Variants in MAN2A1 observed in about 807,000 individuals in gnomAD.
MAN2A1 encodes the protein mannosidase alpha class 2A member 1.
A neutral mutation model predicts 142.6 loss-of-function variants in MAN2A1; 76 were observed. The observed-to-expected ratio is 0.53, with a 90% CI of 0.44 to 0.65. The LOEUF is 0.65. MAN2A1 is among the 30% of genes least tolerant of loss of function. The pLI is 0.00. For synonymous variants in MAN2A1, 559 were observed against 473.2 expected (o/e 1.18, Z -2.35); for missense variants, 1,311 against 1,365.1 (o/e 0.96, Z 0.62).
chr5:109,836,772 G>A (rs1374934355), intron 16 of MAN2A1, among the ~76,000 whole-genome samples: 1 of 152,058 alleles, frequency 6.6e-6, no homozygotes, highest in East Asian at 1.9e-4. Context: ...ACACATTACA[G>A]ATATAAAGTA....
At chr5:109,773,691 AG>A (rs1161638477) in intron 7 of MAN2A1, among the ~76,000 whole-genome samples, 1 of 152,166 alleles carries the variant, frequency 6.6e-6, no homozygotes, top group African/African-American at 2.4e-5. Flanking sequence ...ATATTTGCAA[AG>A]CAATTTCAGA....
chr5:109,839,647 CTCT>C (rs1561538037), intron 16 of MAN2A1, among the ~76,000 whole-genome samples: 1 of 131,232 alleles, frequency 7.6e-6, no homozygotes. Context: ...CCCTGTCTCT[CTCT>C]TTTTTTTTTT....
intron 12 of MAN2A1, among the ~76,000 whole-genome samples, chr5:109,812,311 T>G (rs1262465701): frequency 6.6e-6 from 1 of 152,086 alleles, no homozygotes; most frequent in Non-Finnish European, 1.5e-5. Flanking sequence ...AGCCCAGGAA[T>G]CACACAATTG....
chr5:109,840,522 T>G (rs2112754878), intron 16 of MAN2A1: 1 of 505,982 alleles, frequency 2.0e-6, no homozygotes, highest in Non-Finnish European at 3.9e-6. Flanking sequence ...GCCATAAGCT[T>G]CTTTTCCTTG....
chr5:109,712,095 C>CTTT (rs34625389), intron 1 of MAN2A1, among the ~76,000 whole-genome samples: 2 of 143,846 alleles, frequency 1.4e-5, no homozygotes, highest in Non-Finnish European at 1.5e-5. Flanking sequence ...ATTTTGGCTA[C>CTTT]TTTTTTTTTT....
chr5:109,763,433 T>C (rs1752905585), intron 5 of MAN2A1, among the ~76,000 whole-genome samples: 1 of 152,108 alleles, frequency 6.6e-6, no homozygotes, highest in Admixed American at 6.5e-5. Context: ...CATTTCTTTG[T>C]ATTGTAGCTT....
chr5:109,770,618 C>A, intron 7 of MAN2A1, 77 bp downstream of exon 7: 1 of 1,308,612 alleles, frequency 7.6e-7, no homozygotes, highest in Non-Finnish European at 1.1e-6. Context: ...AAGGGTTGAA[C>A]AAATGGGCTT....
intron 20 of MAN2A1, among the ~76,000 whole-genome samples, chr5:109,858,046 A>G (rs752047244): frequency 3.9e-5 from 6 of 152,220 alleles, no homozygotes; most frequent in Non-Finnish European, 8.8e-5. Context: ...ACTTACTCCA[A>G]CTTGGTTGCA....
intron 5 of MAN2A1, among the ~76,000 whole-genome samples, chr5:109,758,435 G>A (rs1456317635): frequency 6.6e-6 from 1 of 151,418 alleles, no homozygotes; most frequent in Non-Finnish European, 1.5e-5. Flanking sequence ...TTCTTTGTTG[G>A]ATAGTGATTT....
At chr5:109,789,092 A>G (rs17162238) in intron 11 of MAN2A1, 44 bp downstream of exon 11, 65,670 of 1,002,724 alleles carry the variant, frequency 0.065, 2,661 homozygotes, top group African/African-American at 0.15. Context: ...GTGTAATTCC[A>G]TTGTTCTTGC....
At chr5:109,855,119 A>AT in intron 19 of MAN2A1, 21 bp from the exon 20 acceptor site, 1 of 1,449,156 alleles carries the variant, frequency 6.9e-7, no homozygotes, top group Non-Finnish European at 9.2e-7. Context: ...CCTCTTAAAC[A>AT]TTTTTGTTTT....
chr5:109,786,202 T>C (rs1258866829), intron 10 of MAN2A1, among the ~76,000 whole-genome samples: 1 of 152,084 alleles, frequency 6.6e-6, no homozygotes, highest in Non-Finnish European at 1.5e-5. Flanking sequence ...ATAAAGATGG[T>C]ATTTCTCCCA....
intron 12 of MAN2A1, 96 bp downstream of exon 12, chr5:109,789,623 A>C: frequency 1.3e-6 from 1 of 782,202 alleles, no homozygotes; most frequent in South Asian, 2.1e-5. Context: ...ATTTTGAGGC[A>C]ATCAATTTAT....
At chr5:109,808,753 G>C (rs1754239740) in intron 12 of MAN2A1, among the ~76,000 whole-genome samples, 1 of 147,346 alleles carries the variant, frequency 6.8e-6, no homozygotes, top group Admixed American at 6.8e-5. Flanking sequence ...ACCCAGGCTG[G>C]AGTGCAGTGA....
chr5:109,746,536 A>G (rs1401120648), intron 4 of MAN2A1, among the ~76,000 whole-genome samples: 1 of 148,430 alleles, frequency 6.7e-6, no homozygotes, highest in African/African-American at 2.5e-5. Context: ...AGGCATATAT[A>G]TTATACAATG....
At chr5:109,769,282 A>T (rs1041290086) in intron 6 of MAN2A1, among the ~76,000 whole-genome samples, 1 of 152,248 alleles carries the variant, frequency 6.6e-6, no homozygotes, top group African/African-American at 2.4e-5. Context: ...AGTTAACTAA[A>T]TTGATAAAAC....
chr5:109,851,068 G>C (rs1406842078), intron 19 of MAN2A1, among the ~76,000 whole-genome samples: 3 of 152,162 alleles, frequency 2.0e-5, no homozygotes, highest in Non-Finnish European at 4.4e-5. Context: ...TCCCTGAATA[G>C]GAAGAGATTT....
At chr5:109,763,275 C>T (rs1370353528) in intron 5 of MAN2A1, among the ~76,000 whole-genome samples, 1 of 152,086 alleles carries the variant, frequency 6.6e-6, no homozygotes, top group East Asian at 1.9e-4. Context: ...TTAACATAGA[C>T]CTCTATGAAT....
chr5:109,718,305 CT>C (rs1384929045), intron 3 of MAN2A1, among the ~76,000 whole-genome samples: 15 of 152,268 alleles, frequency 9.9e-5, no homozygotes, highest in African/African-American at 3.6e-4. Context: ...TTTTCTGCAA[CT>C]TTTAATTCTC....
Sources: gnomAD v4.1 joint callset for allele counts (sites outside exome capture counted in the v4.1 genomes callset) on GRCh38, gnomAD v4.1.1 for gene constraint, MANE v1.5 for transcripts, NCBI Gene and HGNC (gene_info 2026-07-23, HGNC 2026-07-21) for gene names.